The following LIPM variants were observed in gnomAD, a reference collection of about 807,000 sequenced individuals.
The protein encoded by LIPM is lipase family member M, also known as lipase member M.
Under a neutral mutation model 42.4 loss-of-function variants are expected in LIPM, and 42 were observed. The ratio of observed to expected loss-of-function variants is 0.99; its 90% confidence interval spans 0.77 to 1.28. The LOEUF (loss-of-function observed/expected upper bound fraction) is 1.28. Ranked by LOEUF, LIPM falls within the 50% of genes most tolerant of loss-of-function variation. LIPM has a pLI of 0.00. For missense variants in LIPM, 524 were observed against 520.1 expected (o/e 1.01, Z -0.07); for synonymous variants, 177 against 173.3 (o/e 1.02, Z -0.17).
At chr10:88,813,054 G>C (rs976364640) in intron 2 of LIPM, 43 bp from the exon 3 acceptor site, 24 of 1,473,256 alleles carry the variant, frequency 1.6e-5, no homozygotes, top group Non-Finnish European at 2.1e-5. Context: ...CAACAAGAAA[G>C]GGAGAGAACA....
At chr10:88,804,782 G>T (rs573581069) in intron 1 of LIPM, among the ~76,000 whole-genome samples, 2 of 152,236 alleles carry the variant, frequency 1.3e-5, no homozygotes, top group African/African-American at 4.8e-5. Context: ...CCCTTAATTT[G>T]CATGAAATTA....
intron 1 of LIPM, among the ~76,000 whole-genome samples, chr10:88,804,947 T>A (rs1320558828): frequency 6.6e-6 from 1 of 152,208 alleles, no homozygotes; most frequent in Non-Finnish European, 1.5e-5. Flanking sequence ...AATTCTTTCC[T>A]GGGCAAAGCC....
rs997287780 is a variant in LIPM at position 88,802,754 on chromosome 10, A to G, written c.-143A>G. 9.9e-6 allele frequency: 8 copies of G among 807,122 alleles called. No individual in the cohort carries two copies. The highest frequency in any genetic ancestry group is 1.7e-5 in the African/African-American group (1 of 57,356). The allele number at this position is 807,122 out of a possible 1,614,324, so 50.0% of individuals were successfully genotyped here. ...CCTACTTTGTGTTCTTTCCCTACCA[A>G]CTAAGCTTGCCTAATTTGCTTCAGA... On this transcript the variant is annotated 5_prime_UTR_variant, in exon 1 of 9. Transcript: ENST00000404743.
intron 2 of LIPM, 102 bp downstream of exon 2, chr10:88,808,517 T>C (rs1843616067): frequency 1.5e-6 from 1 of 681,964 alleles, no homozygotes. Flanking sequence ...TAGTGCAGAG[T>C]GAGGTCCATT....
intron 8 of LIPM, among the ~76,000 whole-genome samples, chr10:88,818,363 G>C (rs1381063365): frequency 6.6e-6 from 1 of 152,140 alleles, no homozygotes; most frequent in Non-Finnish European, 1.5e-5. Flanking sequence ...TAATTTTTCA[G>C]GCTTCAATTT....
At chr10:88,807,142 A>G (rs948216310) in intron 1 of LIPM, among the ~76,000 whole-genome samples, 11 of 152,196 alleles carry the variant, frequency 7.2e-5, no homozygotes, top group African/African-American at 2.4e-4. Flanking sequence ...AATTACAGTT[A>G]GTGTTATATG....
intron 6 of LIPM, 106 bp from the exon 7 acceptor site, chr10:88,816,707 TTAA>T (rs1843721945): frequency 1.4e-6 from 1 of 702,472 alleles, no homozygotes; most frequent in South Asian, 1.6e-5. Context: ...TGCTGATAAC[TTAA>T]TAATGTTACC....
At chr10:88,813,442 T>A in intron 3 of LIPM, 147 bp downstream of exon 3, 1 of 648,548 alleles carries the variant, frequency 1.5e-6, no homozygotes, top group Non-Finnish European at 2.5e-6. Flanking sequence ...CTTAATTAAC[T>A]AGTGATTCCT....
At position 88,815,159 on chromosome 10, in the gene LIPM, G is replaced by A. The variant is rs1411418274; in HGVS notation, c.646G>A (p.Ala216Thr). The A allele has an allele frequency of 1.0e-5, 16 of 1,551,832 alleles. No homozygotes were observed. Among genetic ancestry groups the A allele is most frequent in the Non-Finnish European group, 1.1e-5 (13 of 1,147,008 alleles). The change falls in exon 5 of 9, where the codon GCC becomes ACC. Residue 216 changes from alanine to threonine, a missense_variant. Ala to Thr is a moderately conservative substitution (Grantham distance 58, BLOSUM62 0). Transcript: ENST00000404743. The part of the protein sequence containing the change: ...IKMYFALAPI[A>T]TVKHAKSPGT... ...AATGTATTTTGCTTTAGCACCCATA[G>A]CCACTGTTAAGCATGCAAAAAGCCC...
intron 8 of LIPM, among the ~76,000 whole-genome samples, chr10:88,819,969 T>C (rs536545320): frequency 9.8e-4 from 149 of 152,374 alleles, no homozygotes; most frequent in African/African-American, 3.4e-3. Context: ...TACATGTTTT[T>C]ATGTGTTTTG....
intron 2 of LIPM, among the ~76,000 whole-genome samples, chr10:88,812,609 A>AT (rs537840567): frequency 1.1e-4 from 16 of 152,304 alleles, no homozygotes; most frequent in South Asian, 1.0e-3. Context: ...TACTATAATT[A>AT]TTTTGATGCT....
At chr10:88,814,693 C>T (rs1843697280) in intron 4 of LIPM, 54 bp downstream of exon 4, 1 of 1,298,810 alleles carries the variant, frequency 7.7e-7, no homozygotes, top group Non-Finnish European at 1.1e-6. Context: ...GAGCATACGA[C>T]ACTAGCTATC....
intron 4 of LIPM, 76 bp from the exon 5 acceptor site, chr10:88,815,012 A>T: frequency 7.3e-7 from 1 of 1,369,094 alleles, no homozygotes; most frequent in Non-Finnish European, 9.8e-7. Flanking sequence ...TGAAATATGT[A>T]TTTAAAAGCA....
chr10:88,816,713 A>G, intron 6 of LIPM, 103 bp from the exon 7 acceptor site: 1 of 715,666 alleles, frequency 1.4e-6, no homozygotes, highest in Admixed American at 2.2e-5. Flanking sequence ...TAACTTAATA[A>G]TGTTACCATT....
intron 3 of LIPM, among the ~76,000 whole-genome samples, chr10:88,813,496 G>A (rs1329623475): frequency 6.6e-6 from 1 of 152,076 alleles, no homozygotes; most frequent in Admixed American, 6.6e-5. Flanking sequence ...TGTAGAAGGT[G>A]GGTCTAGCTA....
At position 88,808,308 on chromosome 10, in the gene LIPM, T is replaced by C. The variant is rs777473166; in HGVS notation, c.158T>C (p.Ile53Thr). 13 of 1,544,940 alleles carry C rather than the reference T, an allele frequency of 8.4e-6. No individual in the cohort carries two copies. The highest frequency in any genetic ancestry group is 1.1e-5 in the Non-Finnish European group (13 of 1,141,040). The change falls in exon 2 of 9, where the codon ATC becomes ACC. Residue 53 changes from isoleucine (I) to threonine (T), a missense_variant. Transcript: ENST00000404743. ...PEAFMNISEI[I>T]QHQGYPCEEY... Reference sequence around the variant, plus strand: ...GTGCTTTTTCCATAGAGTGAAATCATCCAACATCAAGGCTATCCCTGTGAG... The same window carrying C: ...GTGCTTTTTCCATAGAGTGAAATCACCCAACATCAAGGCTATCCCTGTGAG...
intron 1 of LIPM, among the ~76,000 whole-genome samples, chr10:88,805,213 G>A (rs1037080274): frequency 1.3e-5 from 2 of 152,216 alleles, no homozygotes; most frequent in Admixed American, 1.3e-4. Flanking sequence ...AGGAAGGACA[G>A]ATCATCAATT....
rs182890191 is a variant in LIPM at position 88,805,035 on chromosome 10, T to C, written c.147+1992T>C. On this transcript the variant is annotated intron_variant, in intron 1 of 8. Transcript: ENST00000404743. Reference sequence around the variant, plus strand: ...ATTTGACTCTGTATATTCATGCATATGGATTATGGTCTATCTTATACTTTG... The same window carrying C: ...ATTTGACTCTGTATATTCATGCATACGGATTATGGTCTATCTTATACTTTG... Among the ~76,000 whole-genome samples, 4 of 152,224 alleles carry C rather than the reference T, an allele frequency of 2.6e-5. No individual in the cohort carries two copies. The East Asian group carries it at 7.7e-4, about 29-fold the overall frequency.
At chr10:88,812,889 T>C (rs918152150) in intron 2 of LIPM, among the ~76,000 whole-genome samples, 1 of 152,228 alleles carries the variant, frequency 6.6e-6, no homozygotes, top group Non-Finnish European at 1.5e-5. Context: ...TGCTCTATTT[T>C]ATTAAAGCAT....
Sources: gnomAD v4.1 joint callset for allele counts (sites outside exome capture counted in the v4.1 genomes callset) on GRCh38, gnomAD v4.1.1 for gene constraint, MANE v1.5 for transcripts, NCBI Gene and HGNC (gene_info 2026-07-23, HGNC 2026-07-21) for gene names.